The following GABRG3 variants were observed in gnomAD, a reference collection of about 807,000 sequenced individuals.
GABRG3 encodes the protein gamma-aminobutyric acid receptor subunit gamma-3.
GABRG3 carries 25 observed loss-of-function variants against 48.8 expected under a neutral mutation model. The ratio of observed to expected loss-of-function variants is 0.51; its 90% CI spans 0.37 to 0.72. The LOEUF is 0.72. GABRG3 is among the 30% of genes least tolerant of loss of function. The pLI is 0.00. For missense variants in GABRG3, 394 were observed against 577.9 expected, an observed-to-expected ratio of 0.68 and a Z score of 3.26; for synonymous variants, 227 against 217.6, an observed-to-expected ratio of 1.04 and a Z score of -0.38.
chr15:27,289,989 G>A (rs569168668), intron 3 of GABRG3, among the ~76,000 whole-genome samples: 1 of 152,188 alleles, frequency 6.6e-6, no homozygotes, highest in East Asian at 1.9e-4. Flanking sequence ...AGGAACCAGA[G>A]CCCCTTGGAG....
intron 3 of GABRG3, among the ~76,000 whole-genome samples, chr15:27,043,105 C>T (rs1338074235): frequency 6.6e-6 from 1 of 152,186 alleles, no homozygotes; most frequent in Non-Finnish European, 1.5e-5. Flanking sequence ...TTCCCCCCAC[C>T]CCATCTTTCC....
At chr15:27,376,823 C>T (rs1164913077) in intron 5 of GABRG3, among the ~76,000 whole-genome samples, 4 of 152,182 alleles carry the variant, frequency 2.6e-5, no homozygotes, top group African/African-American at 9.7e-5. Flanking sequence ...TCCCCATTGT[C>T]TTTGGGATTA....
chr15:27,282,930 G>A (rs1891485658), intron 3 of GABRG3, among the ~76,000 whole-genome samples: 1 of 152,166 alleles, frequency 6.6e-6, no homozygotes, highest in Non-Finnish European at 1.5e-5. Flanking sequence ...ATTCCTAACA[G>A]AAGGTGGTGG....
intron 3 of GABRG3, among the ~76,000 whole-genome samples, chr15:27,169,451 G>T (rs34870610): frequency 6.6e-6 from 1 of 152,102 alleles, no homozygotes; most frequent in Non-Finnish European, 1.5e-5. Flanking sequence ...CATGTTGGTA[G>T]GTGGGTCTGG....
chr15:27,233,770 A>G (rs1456978019), intron 3 of GABRG3, among the ~76,000 whole-genome samples: 1 of 152,200 alleles, frequency 6.6e-6, no homozygotes, highest in Admixed American at 6.5e-5. Flanking sequence ...ACGCCTGTAC[A>G]AACTACCAGG....
At chr15:27,010,774 C>T (rs923359425) in intron 2 of GABRG3, among the ~76,000 whole-genome samples, 2 of 152,206 alleles carry the variant, frequency 1.3e-5, no homozygotes, top group African/African-American at 4.8e-5. Context: ...CTTTGCCGTT[C>T]CACTATCCTC....
intron 3 of GABRG3, among the ~76,000 whole-genome samples, chr15:27,265,962 C>T (rs1890909182): frequency 6.7e-6 from 1 of 149,380 alleles, no homozygotes; most frequent in African/African-American, 2.5e-5. Context: ...CTCACTGCAA[C>T]ATCCACCTCC....
chr15:27,165,369 C>G (rs532945586), intron 3 of GABRG3, among the ~76,000 whole-genome samples: 31 of 152,314 alleles, frequency 2.0e-4, no homozygotes, highest in African/African-American at 6.7e-4. Context: ...ATGACAAAGC[C>G]TCTGTGTCAG....
At position 27,230,314 on chromosome 15, in the gene GABRG3, C is replaced by CTGG. The variant is rs756623415; in HGVS notation, c.271-96493_271-96491dup. ...GAACTTGATCTACAGCTCAAACTAC[C>CTGG]TGGTTTTTAAAAAAATAGTCAGTTT... is the stretch of plus-strand genomic sequence containing the variant. On this transcript the variant is annotated intron_variant, in intron 3 of 9. Transcript: ENST00000615808. 2.1e-3 allele frequency among the ~76,000 whole-genome samples: 320 copies of CTGG among 152,192 alleles called. 1 individual carries two copies. Among genetic ancestry groups the CTGG allele is most frequent in the Non-Finnish European group, 4.1e-3 (279 of 68,000 alleles).
intron 5 of GABRG3, among the ~76,000 whole-genome samples, chr15:27,347,499 G>A (rs974967794): frequency 3.9e-5 from 6 of 152,288 alleles, no homozygotes; most frequent in Admixed American, 1.3e-4. Context: ...TGGAACAGGA[G>A]GGCTAGAGGA....
rs1247541700 is a variant in GABRG3, at chr15:27,305,655, C to CAT, written c.271-21148_271-21147dup. Reference sequence around the variant, plus strand: ...ATAAACCTATATGTTTATATATAAACATATATAATATAAACCTATATGTTT... The same window carrying CAT: ...ATAAACCTATATGTTTATATATAAACATATATATAATATAAACCTATATGTTT... On this transcript the variant is annotated intron_variant, in intron 3 of 9. Transcript: ENST00000615808. Among the ~76,000 whole-genome samples, 18 of 100,194 alleles carry CAT rather than the reference C, an allele frequency of 1.8e-4. 1 individual carries two copies. Among genetic ancestry groups the CAT allele is most frequent in the African/African-American group, 2.3e-4 (7 of 30,034 alleles). 65.7% of individuals were successfully genotyped at this position (100,194 alleles called of 152,430 possible). A position where few individuals can be genotyped will look rare whatever the true frequency, so the allele number is the denominator to read the frequency against.
At chr15:27,503,354 C>G (rs939519782) in intron 6 of GABRG3, among the ~76,000 whole-genome samples, 1 of 152,160 alleles carries the variant, frequency 6.6e-6, no homozygotes, top group African/African-American at 2.4e-5. Flanking sequence ...CAAAACATTT[C>G]GATCACCACA....
chr15:27,258,872 C>A (rs28601867), intron 3 of GABRG3, among the ~76,000 whole-genome samples: 118 of 152,258 alleles, frequency 7.7e-4, no homozygotes, highest in African/African-American at 2.6e-3. Flanking sequence ...AGTTTTGTAT[C>A]CAATAGCCAA....
intron 5 of GABRG3, among the ~76,000 whole-genome samples, chr15:27,400,201 C>T (rs1422992495): frequency 8.5e-5 from 13 of 152,234 alleles, no homozygotes; most frequent in African/African-American, 2.9e-4. Context: ...GCTATTAGAA[C>T]GCTAAAATGA....
intron 3 of GABRG3, among the ~76,000 whole-genome samples, chr15:27,256,316 C>T (rs573970564): frequency 6.6e-6 from 1 of 152,074 alleles, no homozygotes; most frequent in Admixed American, 6.5e-5. Flanking sequence ...TGGAGGGCGC[C>T]TGTAGGCCCA....
intron 3 of GABRG3, among the ~76,000 whole-genome samples, chr15:27,102,106 A>G (rs900533101): frequency 2.0e-5 from 3 of 152,204 alleles, no homozygotes; most frequent in Admixed American, 1.3e-4. Flanking sequence ...CTGATGTGGG[A>G]TGTCTTCCAA....
At position 27,307,673 on chromosome 15, in the gene GABRG3, A is replaced by G. The variant is rs184750725; in HGVS notation, c.271-19136A>G. Among the ~76,000 whole-genome samples, 390 of 129,238 alleles carry G rather than the reference A, an allele frequency of 3.0e-3. 4 individuals carry two copies. Among genetic ancestry groups the G allele is most frequent in the African/African-American group, 9.7e-3 (341 of 35,150 alleles). The allele number at this position is 129,238 out of a possible 152,430, so 84.8% of individuals were successfully genotyped here. A position where few individuals can be genotyped will look rare whatever the true frequency, so the allele number is the denominator to read the frequency against. On this transcript the variant is annotated intron_variant, in intron 3 of 9. Transcript: ENST00000615808. ...GGTTTATAGGTTTATATATTTATATATAAACATAGGTTTATGTTTATATAT... is the reference window on the plus strand; with the variant it reads ...GGTTTATAGGTTTATATATTTATATGTAAACATAGGTTTATGTTTATATAT...
chr15:27,454,054 C>A (rs1889189356), intron 5 of GABRG3, among the ~76,000 whole-genome samples: 1 of 152,202 alleles, frequency 6.6e-6, no homozygotes, highest in Non-Finnish European at 1.5e-5. Flanking sequence ...GGAGGTAGTT[C>A]CACAGAGGCA....
chr15:27,306,958 T>TGTTTATATATAAACATATATAATATAAAC (rs1892547305), intron 3 of GABRG3, among the ~76,000 whole-genome samples: 1 of 127,818 alleles, frequency 7.8e-6, no homozygotes, highest in Non-Finnish European at 1.6e-5. Context: ...AATATAAACA[T>TGTTTATATATAAACATATATAATATAAAC]GTTTATATAT....
Sources: gnomAD v4.1 joint callset for allele counts (sites outside exome capture counted in the v4.1 genomes callset) on GRCh38, gnomAD v4.1.1 for gene constraint, MANE v1.5 for transcripts, NCBI Gene and HGNC (gene_info 2026-07-23, HGNC 2026-07-21) for gene names.